Variants in MAP3K7CL observed in about 807,000 individuals in gnomAD.
MAP3K7CL encodes the protein MAP3K7 C-terminal-like protein.
In MAP3K7CL, 16 loss-of-function variants were observed where a neutral mutation model predicts 18.6. The ratio of observed to expected loss-of-function variants is 0.86; its 90% CI spans 0.58 to 1.31. The LOEUF (loss-of-function observed/expected upper bound fraction) is 1.31. MAP3K7CL is among the 50% of genes most tolerant of loss of function. The pLI is 0.00. For synonymous variants in MAP3K7CL, 65 were observed against 66.8 expected, an observed-to-expected ratio of 0.97 and a Z score of 0.13; for missense variants, 163 against 174.4, an observed-to-expected ratio of 0.93 and a Z score of 0.37.
upstream of MAP3K7CL, among the ~76,000 whole-genome samples, chr21:29,130,069 T>C (rs1043208953): frequency 6.6e-6 from 1 of 152,226 alleles, no homozygotes; most frequent in Non-Finnish European, 1.5e-5. Flanking sequence ...TCATCTGATA[T>C]GTATTTTGCA....
chr21:29,123,055 C>CTTTTTTTTTTTTTTTTTTTTTTTTTTTTT lies in MAP3K7CL; in HGVS notation c.371-26110_371-26109insTTTTTTTTTTTTTTTTTTTTTTTTTTTTT, dbSNP rs1166550061. ...AAGTCAATACTGGAGAAGAAATGAT[C>CTTTTTTTTTTTTTTTTTTTTTTTTTTTTT]TTTTTTTTTTTTTTTTTTTTTTTTG... On this transcript the variant is annotated intron_variant, in intron 4 of 6. Coordinates refer to the MAP3K7CL transcript ENST00000286791. Among the ~76,000 whole-genome samples, 3 of 89,336 alleles carry CTTTTTTTTTTTTTTTTTTTTTTTTTTTTT rather than the reference C, an allele frequency of 3.4e-5. 1 individual carries two copies. 58.6% of individuals were successfully genotyped at this position (89,336 alleles called of 152,430 possible). A position where few individuals can be genotyped will look rare whatever the true frequency, so the allele number is the denominator to read the frequency against.
At chr21:29,102,697 G>A (rs1451253384) in intron 4 of MAP3K7CL, 1 of 152,082 alleles carries the variant, frequency 6.6e-6, no homozygotes, top group Non-Finnish European at 1.5e-5. Context: ...CTTTTTAAAA[G>A]TGTGGACTGG....
chr21:29,163,840 T>G (rs1404323574), intron 4 of MAP3K7CL, among the ~76,000 whole-genome samples: 1 of 151,850 alleles, frequency 6.6e-6, no homozygotes, highest in Non-Finnish European at 1.5e-5. Flanking sequence ...GGACGACAGG[T>G]GCATGCCAGC....
At chr21:29,109,709 A>G in intron 4 of MAP3K7CL, 3 of 986,060 alleles carry the variant, frequency 3.0e-6, no homozygotes, top group Non-Finnish European at 3.6e-6. Flanking sequence ...GCAACCTTAT[A>G]CAAACCTTAT....
intron 4 of MAP3K7CL, among the ~76,000 whole-genome samples, chr21:29,165,764 G>T (rs2146748150): frequency 6.6e-6 from 1 of 152,246 alleles, no homozygotes; most frequent in Middle Eastern, 3.4e-3. Context: ...TAGAGTCAGG[G>T]TTTCACCATG....
chr21:29,151,223 C>T (rs2087265663), intron 3 of MAP3K7CL, among the ~76,000 whole-genome samples: 1 of 151,550 alleles, frequency 6.6e-6, no homozygotes, highest in African/African-American at 2.4e-5. Context: ...CACCTGTAAT[C>T]CCAGCACTTT....
chr21:29,093,771 G>C (rs898197475), intron 4 of MAP3K7CL, among the ~76,000 whole-genome samples: 1 of 152,090 alleles, frequency 6.6e-6, no homozygotes, highest in Non-Finnish European at 1.5e-5. Context: ...GATTACAGGC[G>C]TGAGCCACCG....
chr21:29,175,048 G>T lies in MAP3K7CL; in HGVS notation c.*156G>T. The T allele has an allele frequency of 1.6e-6, 1 of 618,048 alleles. No homozygotes were observed. The highest frequency in any genetic ancestry group is 2.6e-6 in the Non-Finnish European group (1 of 382,438). The allele number at this position is 618,048 out of a possible 1,614,324, so 38.3% of individuals were successfully genotyped here. A position where few individuals can be genotyped will look rare whatever the true frequency, so the allele number is the denominator to read the frequency against. The stretch of plus-strand genomic sequence containing the variant: ...TGAGTTTACTGCTTGCCAGCTTCTA[G>T]CTTGAGAGAAGGGATATTTTAAATG... On this transcript the variant is annotated 3_prime_UTR_variant, in exon 5 of 5. Coordinates refer to ENST00000399928, the MANE Select transcript of MAP3K7CL (RefSeq NM_001286620.2).
At chr21:29,121,040 T>C (rs1290377940) in intron 4 of MAP3K7CL, among the ~76,000 whole-genome samples, 1 of 64,748 alleles carries the variant, frequency 1.5e-5, no homozygotes, top group Non-Finnish European at 3.4e-5. Flanking sequence ...TACTTCAGCC[T>C]GGGCAACAGA....
At chr21:29,113,332 C>T (rs1027846510) in intron 4 of MAP3K7CL, among the ~76,000 whole-genome samples, 3 of 152,130 alleles carry the variant, frequency 2.0e-5, no homozygotes, top group African/African-American at 7.2e-5. Flanking sequence ...TTTCTTCCAA[C>T]TCATGCAATA....
chr21:29,112,805 G>A (rs181529450), intron 4 of MAP3K7CL, among the ~76,000 whole-genome samples: 106 of 151,870 alleles, frequency 7.0e-4, no homozygotes, highest in East Asian at 4.1e-3. Context: ...CCCAGCAAAC[G>A]AGACCTTTGG....
At chr21:29,114,121 T>C (rs1330803694) in intron 4 of MAP3K7CL, among the ~76,000 whole-genome samples, 1 of 150,122 alleles carries the variant, frequency 6.7e-6, no homozygotes, top group South Asian at 2.1e-4. Flanking sequence ...CAGGCTGGAG[T>C]GCAGTGGCGC....
chr21:29,159,388 C>A (rs998790811), intron 3 of MAP3K7CL, among the ~76,000 whole-genome samples: 1 of 152,096 alleles, frequency 6.6e-6, no homozygotes, highest in Admixed American at 6.5e-5. Flanking sequence ...GAGGGAGATC[C>A]GGCCTTTCTT....
intron 2 of MAP3K7CL, among the ~76,000 whole-genome samples, chr21:29,144,413 C>T (rs1466664068): frequency 1.3e-5 from 2 of 152,200 alleles, no homozygotes; most frequent in Non-Finnish European, 2.9e-5. Context: ...GATCCTCCTG[C>T]CTGGGCCTCC....
At chr21:29,147,451 CTGTA>C (rs1433857361) in intron 2 of MAP3K7CL, among the ~76,000 whole-genome samples, 1 of 151,626 alleles carries the variant, frequency 6.6e-6, no homozygotes, top group African/African-American at 2.4e-5. Context: ...TGTATTGTAT[CTGTA>C]TGTGTACTGT....
At chr21:29,110,272 A>G (rs2086396540) in intron 4 of MAP3K7CL, among the ~76,000 whole-genome samples, 1 of 152,322 alleles carries the variant, frequency 6.6e-6, no homozygotes, top group African/African-American at 2.4e-5. Context: ...ATCAATTACA[A>G]TTTTGACTAA....
chr21:29,100,078 G>A (rs2086198367), intron 4 of MAP3K7CL, among the ~76,000 whole-genome samples: 1 of 120,822 alleles, frequency 8.3e-6, no homozygotes, highest in Non-Finnish European at 1.7e-5. Flanking sequence ...GCGAGACTCC[G>A]TCTTTAAAAA....
chr21:29,138,384 T>G (rs2086929717), intron 2 of MAP3K7CL, among the ~76,000 whole-genome samples: 1 of 152,358 alleles, frequency 6.6e-6, no homozygotes, highest in East Asian at 1.9e-4. Context: ...GTTAATTTTC[T>G]TAATAGAAAA....
intron 4 of MAP3K7CL, among the ~76,000 whole-genome samples, chr21:29,172,591 G>A (rs964268178): frequency 3.3e-5 from 5 of 152,002 alleles, no homozygotes; most frequent in South Asian, 2.1e-4. Context: ...TTTAGCATCC[G>A]GTCTTATCCT....
Sources: gnomAD v4.1 joint callset for allele counts (sites outside exome capture counted in the v4.1 genomes callset) on GRCh38, gnomAD v4.1.1 for gene constraint, MANE v1.5 for transcripts, NCBI Gene and HGNC (gene_info 2026-07-23, HGNC 2026-07-21) for gene names.